The following WDR11 variants were observed in gnomAD, a reference collection of about 807,000 sequenced individuals.
The protein encoded by WDR11 is WD repeat domain 11, also known as WD repeat-containing protein 11.
WDR11 carries 83 observed loss-of-function variants against 151.2 expected under a neutral mutation model. The ratio of observed to expected loss-of-function variants is 0.55; its 90% CI spans 0.46 to 0.66. The LOEUF is 0.66. Ranked by LOEUF, WDR11 falls within the 30% of genes least tolerant of loss-of-function variation. The probability of loss-of-function intolerance (pLI) is 0.00; values close to 1 mark genes in which losing one functional copy is unlikely to be tolerated. For synonymous variants in WDR11, 484 were observed against 533.1 expected (o/e 0.91, Z 1.27); for missense variants, 1,301 against 1,480.9 (o/e 0.88, Z 1.99).
intron 19 of WDR11, among the ~76,000 whole-genome samples, chr10:120,895,840 C>T (rs1847595603): frequency 6.6e-6 from 1 of 152,102 alleles, no homozygotes; most frequent in South Asian, 2.1e-4. Flanking sequence ...ACTCTGTTGG[C>T]AAGGCTATGA....
At chr10:120,895,671 A>G (rs1847588169) in intron 19 of WDR11, among the ~76,000 whole-genome samples, 2 of 152,216 alleles carry the variant, frequency 1.3e-5, no homozygotes, top group East Asian at 3.8e-4. Context: ...GCTTCAACAT[A>G]TGAAATGATA....
In WDR11 at chr10:120,867,175, CT is replaced by C. The variant is rs1001599557; in HGVS notation, c.1294+12del. The C allele has an allele frequency of 1.3e-6, 2 of 1,593,420 alleles. No individual in the cohort carries two copies. The highest frequency in any genetic ancestry group is 1.7e-6 in the Non-Finnish European group (2 of 1,161,392). ...TTCCTTAGATAACATGATTGGTAAG[CT>C]TTTTTCCCCTCTAACTCCATGTTAA... On this transcript the variant is annotated splice_region_variant and intron_variant, in intron 9 of 28. Coordinates refer to ENST00000263461, the MANE Select transcript of WDR11 (RefSeq NM_018117.12).
rs138729353 is a variant in WDR11, at chr10:120,867,143, C to G, written c.1268C>G (p.Pro423Arg). Residue 423 changes from proline to arginine, a missense_variant, in exon 9 of 29, where the codon CCA becomes CGA. Coordinates refer to ENST00000263461, the MANE Select transcript of WDR11 (RefSeq NM_018117.12). ...IPVGVLQNKL[P>R]DLSLDNMIGQ... ...GTAGGAGTGCTACAGAATAAACTCC[C>G]AGACCTTTCCTTAGATAACATGATT... is the stretch of plus-strand genomic sequence containing the variant. The G allele has an allele frequency of 6.2e-7, 1 of 1,613,748 alleles. No individual in the cohort carries two copies. The highest frequency in any genetic ancestry group is 1.1e-5 in the South Asian group (1 of 91,072).
chr10:120,865,065 C>G lies in WDR11; in HGVS notation c.732C>G (p.Leu244=). The change falls in exon 6 of 29, where the codon CTC becomes CTG. Residue 244 remains leucine, a synonymous_variant. Coordinates refer to ENST00000263461, the MANE Select transcript of WDR11 (RefSeq NM_018117.12). ...TTTTCAGTGCTGAATTCATAACTCT[C>G]AATGATTGCCTTCAGTTGGCATACC... The part of the protein sequence containing the change: ...QEKPSAEFIT[L]NDCLQLAYLP... The G allele has an allele frequency of 1.2e-6, 2 of 1,613,892 alleles. No individual in the cohort carries two copies. The highest frequency in any genetic ancestry group is 1.7e-6 in the Non-Finnish European group (2 of 1,179,834).
At chr10:120,852,277 T>C in intron 1 of WDR11, 1 of 453,242 alleles carries the variant, frequency 2.2e-6, no homozygotes, top group South Asian at 2.2e-5. Flanking sequence ...TTTTATGTCC[T>C]CGGGTCTCTA....
intron 16 of WDR11, among the ~76,000 whole-genome samples, chr10:120,887,310 T>C (rs1316772367): frequency 6.6e-6 from 1 of 152,238 alleles, no homozygotes; most frequent in African/African-American, 2.4e-5. Context: ...CTAACTTACA[T>C]ATATTCTTAT....
chr10:120,852,737 G>A (rs41287982), intron 2 of WDR11, 102 bp downstream of exon 2: 65 of 994,334 alleles, frequency 6.5e-5, no homozygotes, highest in Non-Finnish European at 9.6e-5. Flanking sequence ...GTGTTGAATA[G>A]CTTTTAAATA....
chr10:120,907,352 A>G (rs1318354686), intron 28 of WDR11: 2 of 166,120 alleles, frequency 1.2e-5, no homozygotes, highest in Admixed American at 5.5e-5. Flanking sequence ...GCCAGCCACT[A>G]TAATCCACCC....
At chr10:120,859,272 CTTTTTT>C (rs35233163) in intron 3 of WDR11, among the ~76,000 whole-genome samples, 8 of 128,872 alleles carry the variant, frequency 6.2e-5, no homozygotes, top group Non-Finnish European at 1.3e-4. Flanking sequence ...TTTTTTTTTT[CTTTTTT>C]TTTTTTTGAG....
intron 14 of WDR11, among the ~76,000 whole-genome samples, chr10:120,884,763 C>T (rs1419282642): frequency 1.3e-5 from 2 of 152,068 alleles, no homozygotes; most frequent in East Asian, 1.9e-4. Flanking sequence ...TGAAAAAAAG[C>T]GGGAACCCTA....
At chr10:120,869,854 A>G (rs774691175) in intron 9 of WDR11, among the ~76,000 whole-genome samples, 8 of 151,988 alleles carry the variant, frequency 5.3e-5, no homozygotes, top group Non-Finnish European at 1.2e-4. Context: ...CGGTGGCGCA[A>G]TCTCGGCTCA....
chr10:120,877,574 G>C (rs1846839666), intron 11 of WDR11, among the ~76,000 whole-genome samples: 1 of 152,084 alleles, frequency 6.6e-6, no homozygotes. Flanking sequence ...AGTTGAGATT[G>C]TGTCACTGCA....
chr10:120,908,577 A>G lies in WDR11; in HGVS notation c.3539A>G (p.Tyr1180Cys), dbSNP rs755257801. 1 of 1,614,150 alleles carries G rather than the reference A, an allele frequency of 6.2e-7. No individual in the cohort carries two copies. The highest frequency in any genetic ancestry group is 1.1e-5 in the South Asian group (1 of 91,080). Residue 1180 changes from tyrosine to cysteine, a missense_variant, in exon 29 of 29, where the codon TAT becomes TGT. Transcript: ENST00000263461. ...EDTEKLITAI[Y>C]ADYARSLKNL... ...TTACAGAAACTCATCACTGCTATAT[A>G]TGCAGATTATGCCCGGAGTTTGAAG...
chr10:120,860,362 A>C, intron 4 of WDR11, 80 bp downstream of exon 4: 1 of 1,462,316 alleles, frequency 6.8e-7, no homozygotes, highest in South Asian at 1.2e-5. Flanking sequence ...AGATATACAC[A>C]CACATTATAC....
In WDR11 at chr10:120,851,948, C is replaced by G. The variant is rs867788740; in HGVS notation, c.86+442C>G. On this transcript the variant is annotated intron_variant, in intron 1 of 28. Coordinates refer to ENST00000263461, the MANE Select transcript of WDR11 (RefSeq NM_018117.12). ...GCTAGGCGCCTGTTCTTTCACCTGT[C>G]CTTTTCACCTCTTTTCGGGCTCCTC... The G allele has an allele frequency of 1.2e-5, 3 of 245,760 alleles. No homozygotes were observed. In the South Asian group the frequency reaches 1.5e-4, roughly 13 times the overall value. The allele number at this position is 245,760 out of a possible 1,614,324, so 15.2% of individuals were successfully genotyped here.
At chr10:120,896,209 T>C (rs1413238188) in intron 19 of WDR11, among the ~76,000 whole-genome samples, 1 of 152,152 alleles carries the variant, frequency 6.6e-6, no homozygotes, top group Non-Finnish European at 1.5e-5. Context: ...AGAGCACGTA[T>C]AGCCTGCTTG....
In WDR11 at chr10:120,903,092, G is replaced by A; in HGVS notation, c.2791G>A (p.Val931Ile). The change falls in exon 23 of 29, where the codon GTC (valine) becomes ATC (isoleucine). Residue 931 changes from valine (V) to isoleucine (I), a missense_variant. Physicochemically the swap from Val to Ile is conservative, Grantham distance 29. Around this residue, in one of 3 missense-constraint regions of WDR11, gnomAD observed 589 missense variants for 670.6 expected, o/e 0.88. Transcript: ENST00000263461. ...GDESELHFWT[V>I]AAHYLHSLSQ... ...TGAATCGGAGCTGCACTTCTGGACT[G>A]TCGCTGCCCACTACCTGCACAGCTT... 2 of 1,614,150 alleles carry A rather than the reference G, an allele frequency of 1.2e-6. No homozygotes were observed.
At chr10:120,897,234 G>C (rs1004907865) in intron 19 of WDR11, among the ~76,000 whole-genome samples, 8 of 152,134 alleles carry the variant, frequency 5.3e-5, no homozygotes, top group African/African-American at 1.9e-4. Context: ...CAAAAGCTCA[G>C]GTGGACAGAA....
Position 120,867,184 on chromosome 10 carries a change from C to T in WDR11, c.1294+15C>T, listed in dbSNP as rs1463017499. 3.8e-6 allele frequency: 6 copies of T among 1,566,842 alleles called. No individual in the cohort carries two copies. Among genetic ancestry groups the T allele is most frequent in the Non-Finnish European group, 8.8e-7 (1 of 1,137,268 alleles). On this transcript the variant is annotated intron_variant, in intron 9 of 28. Transcript: ENST00000263461. ...TAACATGATTGGTAAGCTTTTTTCCCCTCTAACTCCATGTTAAGTATTCTT... is the reference window on the plus strand; with the variant it reads ...TAACATGATTGGTAAGCTTTTTTCCTCTCTAACTCCATGTTAAGTATTCTT...
Sources: allele counts gnomAD v4.1 joint callset (sites outside exome capture counted in the v4.1 genomes callset), GRCh38; gene constraint gnomAD v4.1.1; regional missense constraint gnomAD v4.1.1; transcripts MANE v1.5; gene names NCBI Gene and HGNC (gene_info 2026-07-23, HGNC 2026-07-21).